The following ARSG variants were observed in gnomAD, a reference collection of about 807,000 sequenced individuals.
The protein encoded by ARSG is arylsulfatase G.
A neutral mutation model predicts 50.5 loss-of-function variants in ARSG; 37 were observed. The observed-to-expected ratio is 0.73, with a 90% CI of 0.56 to 0.96. The LOEUF (loss-of-function observed/expected upper bound fraction) is 0.96, where lower values mean the gene tolerates loss of function less well. Among genes scored for constraint, ARSG ranks in the 50% least tolerant of loss-of-function variants. The pLI is 0.00. For synonymous variants in ARSG, 225 were observed against 254.6 expected (o/e 0.88, Z 1.11); for missense variants, 629 against 675.3 (o/e 0.93, Z 0.76).
rs147264809 is a variant in ARSG, at chr17:68,385,085, C to T, written c.1004C>T (p.Thr335Met). The change falls in exon 9 of 12, where the codon ACG (threonine) becomes ATG (methionine). Residue 335 changes from threonine to methionine, a missense_variant. By Grantham distance (81) the Thr-to-Met change is moderately conservative. Coordinates refer to ENST00000621439, the MANE Select transcript of ARSG (RefSeq NM_001267727.2). ...TRQGGSPAKQ[T>M]TWEGGHRVPA... ...ACAGGGGGAAGTCCAGCCAAGCAGA[C>T]GACCTGGGAAGGAGGGCACCGGGTC... 6.4e-5 allele frequency: 103 copies of T among 1,613,904 alleles called. No homozygotes were observed. Among genetic ancestry groups the T allele is most frequent in the Non-Finnish European group, 7.5e-5 (88 of 1,179,976 alleles).
the ARSG span, chr17:68,450,807 A>C: frequency 6.2e-7 from 1 of 1,613,994 alleles, no homozygotes; most frequent in African/African-American, 1.3e-5. Context: ...GAAGTGATAC[A>C]CGTTCATCTG....
At chr17:68,317,411 G>A (rs576039020) in intron 2 of ARSG, among the ~76,000 whole-genome samples, 14 of 151,824 alleles carry the variant, frequency 9.2e-5, no homozygotes, top group Non-Finnish European at 1.5e-4. Flanking sequence ...TATGTGGTTT[G>A]TGGGTTTGCT....
chr17:68,329,791 CATT>C (rs1193694582), intron 2 of ARSG, among the ~76,000 whole-genome samples: 1 of 152,152 alleles, frequency 6.6e-6, no homozygotes, highest in Non-Finnish European at 1.5e-5. Flanking sequence ...AATACTCTAA[CATT>C]AACGATAACT....
In ARSG at chr17:68,395,131, C is replaced by G; in HGVS notation, c.1150C>G (p.Arg384Gly). The G allele has an allele frequency of 6.2e-7, 1 of 1,614,114 alleles. No individual in the cohort carries two copies. Among genetic ancestry groups the G allele is most frequent in the Non-Finnish European group, 8.5e-7 (1 of 1,179,972 alleles). Residue 384 changes from arginine (R) to glycine (G), a missense_variant, in exon 10 of 12, where the codon CGG (arginine) becomes GGG (glycine). By Grantham distance (125) the Arg-to-Gly change is moderately radical (BLOSUM62 -2). Coordinates refer to ENST00000621439, the MANE Select transcript of ARSG (RefSeq NM_001267727.2). The stretch of plus-strand genomic sequence containing the variant: ...GGCCCAGGCCAGCTTACCTCAAGGA[C>G]GGCGCTTTGATGGTGTGGACGTCTC... The part of the protein sequence containing the change: ...ALAQASLPQG[R>G]RFDGVDVSEV...
chr17:68,356,821 C>T lies in ARSG; in HGVS notation c.704+17C>T. The T allele has an allele frequency of 6.2e-7, 1 of 1,614,052 alleles. No homozygotes were observed. The highest frequency in any genetic ancestry group is 8.5e-7 in the Non-Finnish European group (1 of 1,179,982). On this transcript the variant is annotated intron_variant, in intron 6 of 11. Coordinates refer to ENST00000621439, the MANE Select transcript of ARSG (RefSeq NM_001267727.2). The stretch of plus-strand genomic sequence containing the variant: ...GCGTGCAAGGTGAGGAGTCTCCCTC[C>T]CTCCGCAGGGCCTCCCCCTGCCTCC...
chr17:68,316,293 A>G (rs549579467), intron 2 of ARSG, among the ~76,000 whole-genome samples: 19 of 152,124 alleles, frequency 1.2e-4, no homozygotes, highest in Admixed American at 4.6e-4. Context: ...TACCCCATGC[A>G]CATCTCCTAC....
rs146426823 is a variant in ARSG, at chr17:68,318,035, G to A, written c.218+10324G>A. On this transcript the variant is annotated intron_variant, in intron 2 of 11. Transcript: ENST00000621439. ...AATCTCTTGAACCCGGGAGGTGGAG[G>A]TTGCAGTGAGCTGAGATTGTGCCTT... is the stretch of plus-strand genomic sequence containing the variant. Among the ~76,000 whole-genome samples, 1,368 of 152,036 alleles carry A rather than the reference G, an allele frequency of 9.0e-3. 26 individuals are homozygous for A. The highest frequency in any genetic ancestry group is 0.032 in the African/African-American group (1,316 of 41,444).
In ARSG at chr17:68,271,055, A is replaced by G. The variant is rs1555748363; in HGVS notation, c.-552+11629A>G. On this transcript the variant is annotated intron_variant, in intron 1 of 11. Transcript: ENST00000448504. This position sits in a 1 kb window ranked among gnomAD's most constrained non-coding sequence, Gnocchi z 5.3. ...GTAAAGGCAAACAGAGACACAGTCA[A>G]TAAGATGACGCAGATGAGCTCAATG... is the stretch of plus-strand genomic sequence containing the variant. 6 of 1,614,132 alleles carry G rather than the reference A, an allele frequency of 3.7e-6. No individual in the cohort carries two copies. In the African/African-American group the frequency reaches 4.0e-5, roughly 11 times the overall value.
chr17:68,370,316 T>C (rs1259562728), intron 7 of ARSG, 128 bp from the exon 8 acceptor site: 8 of 733,402 alleles, frequency 1.1e-5, no homozygotes, highest in Middle Eastern at 3.0e-4. Context: ...ACTAGGCCCA[T>C]GTTTGTCTTT....
chr17:68,422,117 T>A (rs551582604), downstream of ARSG: 1 of 349,446 alleles, frequency 2.9e-6, no homozygotes, highest in South Asian at 3.7e-5. Context: ...AAACATGGAC[T>A]GCTCAATCAC....
chr17:68,372,746 A>G (rs933385597), intron 8 of ARSG, among the ~76,000 whole-genome samples: 2 of 152,198 alleles, frequency 1.3e-5, no homozygotes, highest in African/African-American at 2.4e-5. Flanking sequence ...ATCCTGACCT[A>G]TGACCCTCAG....
intron 1 of ARSG, among the ~76,000 whole-genome samples, chr17:68,298,681 T>C (rs569922209): frequency 6.6e-6 from 1 of 151,744 alleles, no homozygotes; most frequent in African/African-American, 2.4e-5. Flanking sequence ...CAACAGAAAT[T>C]TATTGTTTAC....
chr17:68,368,887 C>T lies in ARSG; in HGVS notation c.901+143C>T, dbSNP rs983493202. 2.7e-4 allele frequency: 259 copies of T among 956,950 alleles called. 2 individuals are homozygous for T. Among genetic ancestry groups the T allele is most frequent in the Non-Finnish European group, 6.4e-5 (42 of 654,288 alleles). The allele number at this position is 956,950 out of a possible 1,614,324, so 59.3% of individuals were successfully genotyped here. ...GAACTTGTGGCCCAGATAAGGCTTG[C>T]TGGCCTGAATGCTGAGCACCTGTCC... On this transcript the variant is annotated intron_variant, in intron 7 of 11. Transcript: ENST00000621439.
chr17:68,306,544 A>C (rs2076617020), intron 1 of ARSG, among the ~76,000 whole-genome samples: 1 of 152,240 alleles, frequency 6.6e-6, no homozygotes, highest in Non-Finnish European at 1.5e-5. Context: ...TTTTAAATGT[A>C]GAAACATTAG....
chr17:68,389,973 CCTTT>C (rs72124884), intron 9 of ARSG, among the ~76,000 whole-genome samples: 24,474 of 150,666 alleles, frequency 0.16, 3,846 homozygotes, highest in African/African-American at 0.39. Context: ...GCAGGCCAGG[CCTTT>C]CTTTCTTTCT....
intron 9 of ARSG, among the ~76,000 whole-genome samples, chr17:68,394,133 C>T (rs1782545878): frequency 6.6e-6 from 1 of 152,008 alleles, no homozygotes; most frequent in African/African-American, 2.4e-5. Context: ...GCTGAGATTA[C>T]AGGCATAAGC....
chr17:68,364,830 T>C (rs2079468268), intron 6 of ARSG, among the ~76,000 whole-genome samples: 1 of 152,150 alleles, frequency 6.6e-6, no homozygotes, highest in Admixed American at 6.6e-5. Flanking sequence ...CCCACTCTAT[T>C]TTCCATTCAG....
At chr17:68,286,382 T>C (rs1233359524) in intron 1 of ARSG, among the ~76,000 whole-genome samples, 1 of 152,242 alleles carries the variant, frequency 6.6e-6, no homozygotes, top group Non-Finnish European at 1.5e-5. Flanking sequence ...TGTAAAATCT[T>C]ACTCATTTTG....
At chr17:68,312,162 C>A (rs999980607) in intron 2 of ARSG, among the ~76,000 whole-genome samples, 4 of 152,096 alleles carry the variant, frequency 2.6e-5, no homozygotes, top group Admixed American at 2.6e-4. Context: ...AGAAAACTTA[C>A]ACACCTCCCT....
Sources: allele counts gnomAD v4.1 joint callset (sites outside exome capture counted in the v4.1 genomes callset), GRCh38; gene constraint gnomAD v4.1.1; non-coding constraint Gnocchi (gnomAD v3.1); transcripts MANE v1.5; gene names NCBI Gene and HGNC (gene_info 2026-07-23, HGNC 2026-07-21).